Variants in ARHGEF12 observed in about 807,000 individuals in gnomAD.
ARHGEF12 encodes the protein KMT2A/ARHGEF12 fusion protein.
Under a neutral mutation model 211.2 loss-of-function variants are expected in ARHGEF12, and 66 were observed. The observed-to-expected ratio is 0.31, with a 90% CI of 0.26 to 0.38. The LOEUF is 0.38. ARHGEF12 is among the 10% of genes least tolerant of loss of function. The pLI is 1.00. For synonymous variants in ARHGEF12, 592 were observed against 638.4 expected (o/e 0.93, Z 1.09); for missense variants, 1,429 against 1,869.5 (o/e 0.76, Z 4.34).
chr11:120,446,881 T>G, intron 17 of ARHGEF12, 67 bp from the exon 18 acceptor site: 1 of 1,556,322 alleles, frequency 6.4e-7, no homozygotes, highest in Non-Finnish European at 8.7e-7. Context: ...AAGACTGTGA[T>G]GAAGCGTCCC....
chr11:120,384,878 ATT>A (rs36027339), intron 1 of ARHGEF12, among the ~76,000 whole-genome samples: 84 of 137,662 alleles, frequency 6.1e-4, no homozygotes, highest in African/African-American at 9.7e-4. Flanking sequence ...ACAAAAGGAG[ATT>A]TTTTTTTTTT....
At chr11:120,374,582 C>T (rs927479620) in intron 1 of ARHGEF12, among the ~76,000 whole-genome samples, 8 of 152,062 alleles carry the variant, frequency 5.3e-5, no homozygotes, top group Non-Finnish European at 8.8e-5. Context: ...GATGGCCTTA[C>T]GGATTTTAAA....
chr11:120,429,406 G>T (rs1025603013), intron 8 of ARHGEF12, 34 bp from the exon 9 acceptor site: 20 of 1,555,372 alleles, frequency 1.3e-5, no homozygotes, highest in Admixed American at 1.7e-5. Context: ...GTCTATACTG[G>T]TTGTTGTTTG....
At chr11:120,434,098 A>G (rs1945627114) in intron 11 of ARHGEF12, among the ~76,000 whole-genome samples, 1 of 152,232 alleles carries the variant, frequency 6.6e-6, no homozygotes, top group African/African-American at 2.4e-5. Context: ...TCTTGCATGC[A>G]GAAGAGAGAC....
intron 15 of ARHGEF12, among the ~76,000 whole-genome samples, chr11:120,445,105 T>C (rs1946004107): frequency 6.6e-6 from 1 of 152,200 alleles, no homozygotes; most frequent in Non-Finnish European, 1.5e-5. Flanking sequence ...TATAACTGAT[T>C]ATATTGACCA....
chr11:120,488,425 A>G lies in ARHGEF12; in HGVS notation c.*3348A>G, dbSNP rs749227688. The G allele has an allele frequency of 8.8e-5, 19 of 215,800 alleles. No homozygotes were observed. Among genetic ancestry groups the G allele is most frequent in the African/African-American group, 3.4e-4 (15 of 44,284 alleles). 13.4% of individuals were successfully genotyped at this position (215,800 alleles called of 1,614,324 possible). ...TCCTCATGGCTAGTTTTTCCCCCTT[A>G]TATTACAATTTTTGTTTTATAAGTC... On this transcript the variant is annotated 3_prime_UTR_variant, in exon 41 of 41. Transcript: ENST00000397843.
chr11:120,410,763 T>G (rs752989239), intron 4 of ARHGEF12: 2 of 152,344 alleles, frequency 1.3e-5, no homozygotes, highest in South Asian at 2.1e-4. Context: ...TACTGTGCCT[T>G]GTGACACATC....
chr11:120,393,755 T>C (rs1944290887), intron 1 of ARHGEF12, among the ~76,000 whole-genome samples: 5 of 152,190 alleles, frequency 3.3e-5, no homozygotes, highest in Admixed American at 2.0e-4. Flanking sequence ...CAGTAATTGA[T>C]CAAAGTAGAT....
intron 27 of ARHGEF12, among the ~76,000 whole-genome samples, chr11:120,461,338 A>C (rs1946523609): frequency 6.6e-6 from 1 of 152,184 alleles, no homozygotes; most frequent in African/African-American, 2.4e-5. Flanking sequence ...ATCTCCTTGT[A>C]CATCTCCATC....
intron 22 of ARHGEF12, among the ~76,000 whole-genome samples, chr11:120,453,013 AAAAAC>A (rs1405699172): frequency 7.2e-5 from 10 of 138,328 alleles, no homozygotes; most frequent in South Asian, 2.2e-4. Flanking sequence ...AAACAAAAAC[AAAAAC>A]AAAAAAAAAC....
chr11:120,375,540 A>T (rs1943700947), intron 1 of ARHGEF12, among the ~76,000 whole-genome samples: 1 of 147,704 alleles, frequency 6.8e-6, no homozygotes, highest in African/African-American at 2.5e-5. Flanking sequence ...CCAAGTTCTG[A>T]TGGGGTGGCC....
chr11:120,386,825 T>C (rs1591529568), intron 1 of ARHGEF12, among the ~76,000 whole-genome samples: 1 of 152,240 alleles, frequency 6.6e-6, no homozygotes, highest in East Asian at 1.9e-4. Flanking sequence ...CATTCTCTTT[T>C]ATAGATGAGA....
chr11:120,374,689 C>T (rs1238777115), intron 1 of ARHGEF12, among the ~76,000 whole-genome samples: 1 of 152,100 alleles, frequency 6.6e-6, no homozygotes, highest in Non-Finnish European at 1.5e-5. Flanking sequence ...GTTTAATGAT[C>T]TCAGTTCTCA....
chr11:120,399,343 AAAAAAAAAG>A (rs1565453324), intron 1 of ARHGEF12, among the ~76,000 whole-genome samples: 3 of 147,818 alleles, frequency 2.0e-5, no homozygotes, highest in African/African-American at 5.1e-5. Context: ...AAAAAAAAAA[AAAAAAAAAG>A]AAAAGAAAGA....
At chr11:120,412,518 C>T (rs1406609893) in intron 4 of ARHGEF12, among the ~76,000 whole-genome samples, 1 of 152,224 alleles carries the variant, frequency 6.6e-6, no homozygotes, top group Admixed American at 6.5e-5. Flanking sequence ...GCCTTTCCTC[C>T]GTGTTTGCCA....
chr11:120,373,029 T>A (rs1291158059), intron 1 of ARHGEF12, among the ~76,000 whole-genome samples: 2 of 151,996 alleles, frequency 1.3e-5, no homozygotes, highest in African/African-American at 4.8e-5. Context: ...CAAGATTTTT[T>A]CTTAGAAGTA....
intron 15 of ARHGEF12, among the ~76,000 whole-genome samples, chr11:120,443,432 G>A (rs1301707389): frequency 1.3e-5 from 2 of 151,976 alleles, no homozygotes; most frequent in African/African-American, 4.8e-5. Flanking sequence ...CTGCATCATC[G>A]GTTTTATATT....
chr11:120,454,556 T>G (rs541897676), intron 22 of ARHGEF12, among the ~76,000 whole-genome samples: 18 of 152,322 alleles, frequency 1.2e-4, no homozygotes, highest in African/African-American at 4.3e-4. Flanking sequence ...CAAAAAAAAT[T>G]TATCTCGACT....
intron 1 of ARHGEF12, among the ~76,000 whole-genome samples, chr11:120,373,657 A>G (rs1323190923): frequency 6.6e-6 from 1 of 152,190 alleles, no homozygotes; most frequent in Non-Finnish European, 1.5e-5. Flanking sequence ...GATGGATGGT[A>G]GGACTTTGGG....
Sources: gnomAD v4.1 joint callset for allele counts (sites outside exome capture counted in the v4.1 genomes callset) on GRCh38, gnomAD v4.1.1 for gene constraint, MANE v1.5 for transcripts, NCBI Gene and HGNC (gene_info 2026-07-23, HGNC 2026-07-21) for gene names.